TPD52: variants seen among roughly 807,000 people sequenced by gnomAD.
TPD52 encodes the protein tumor protein D52, also known as prostate and colon associated protein.
TPD52 carries 17 observed loss-of-function variants against 31.3 expected under a neutral mutation model. The ratio of observed to expected loss-of-function variants is 0.54; its 90% confidence interval spans 0.37 to 0.82. The LOEUF (loss-of-function observed/expected upper bound fraction) is 0.82, where lower values mean the gene tolerates loss of function less well. TPD52 is among the 40% of genes least tolerant of loss of function. TPD52 has a pLI of 0.00. For synonymous variants in TPD52, 83 were observed against 89.6 expected (o/e 0.93, Z 0.42); for missense variants, 212 against 240.1 (o/e 0.88, Z 0.77).
chr8:80,164,995 A>C (rs1003950961), intron 1 of TPD52, among the ~76,000 whole-genome samples: 6 of 151,722 alleles, frequency 4.0e-5, no homozygotes, highest in Non-Finnish European at 7.4e-5. Flanking sequence ...GACAAACTAG[A>C]AAAAAAATTA....
At chr8:80,160,576 C>T (rs1811278052) in intron 1 of TPD52, among the ~76,000 whole-genome samples, 1 of 152,104 alleles carries the variant, frequency 6.6e-6, no homozygotes, top group Non-Finnish European at 1.5e-5. Context: ...CTCAGGCAGG[C>T]AAAATGTTTG....
intron 1 of TPD52, among the ~76,000 whole-genome samples, chr8:80,164,013 T>TGAGAGAGAGAGAGAGAGA (rs36124247): frequency 3.2e-5 from 4 of 123,572 alleles, no homozygotes; most frequent in Non-Finnish European, 6.7e-5. Flanking sequence ...ATTCTAACTG[T>TGAGAGAGAGAGAGAGAGA]GAGAGAGAGA....
chr8:80,096,153 G>A (rs1816717835), intron 1 of TPD52, among the ~76,000 whole-genome samples: 1 of 152,186 alleles, frequency 6.6e-6, no homozygotes, highest in African/African-American at 2.4e-5. Context: ...CTGCTGAAGA[G>A]GTTGAAGTGG....
At chr8:80,116,221 A>C (rs780607407) in intron 1 of TPD52, among the ~76,000 whole-genome samples, 3 of 152,198 alleles carry the variant, frequency 2.0e-5, no homozygotes, top group Non-Finnish European at 4.4e-5. Flanking sequence ...GTTATGGAAC[A>C]CTATGTGGTC....
downstream of TPD52, among the ~76,000 whole-genome samples, chr8:80,032,022 A>G (rs2130280260): frequency 6.6e-6 from 1 of 151,984 alleles, no homozygotes; most frequent in South Asian, 2.1e-4. Flanking sequence ...GCGTGATGAC[A>G]CATGGCTGTA....
chr8:80,052,706 T>C (rs1811490576), intron 3 of TPD52: 1 of 1,284,860 alleles, frequency 7.8e-7, no homozygotes, highest in Non-Finnish European at 1.0e-6. Flanking sequence ...TGCATTATGA[T>C]AATGCTATAT....
intron 1 of TPD52, among the ~76,000 whole-genome samples, chr8:80,115,002 T>C (rs943004359): frequency 6.6e-6 from 1 of 152,224 alleles, no homozygotes; most frequent in African/African-American, 2.4e-5. Flanking sequence ...TTGAGGTACA[T>C]CTGTACACAA....
chr8:80,065,622 T>A (rs1813050047), intron 1 of TPD52, among the ~76,000 whole-genome samples: 1 of 152,158 alleles, frequency 6.6e-6, no homozygotes, highest in Non-Finnish European at 1.5e-5. Context: ...CAGTATTTTT[T>A]AAAAATCAAA....
At chr8:80,049,195 C>T (rs1218537386) in intron 5 of TPD52, among the ~76,000 whole-genome samples, 1 of 152,104 alleles carries the variant, frequency 6.6e-6, no homozygotes, top group African/African-American at 2.4e-5. Context: ...CCATTCTTAA[C>T]TTATCCCAAG....
At chr8:80,085,095 G>C (rs575969890) in intron 1 of TPD52, among the ~76,000 whole-genome samples, 2 of 152,354 alleles carry the variant, frequency 1.3e-5, no homozygotes, top group Admixed American at 6.5e-5. Flanking sequence ...TATGGTCCAT[G>C]TTTGTGTAAT....
intron 1 of TPD52, among the ~76,000 whole-genome samples, chr8:80,109,445 C>T (rs1435136092): frequency 6.6e-6 from 1 of 152,088 alleles, no homozygotes; most frequent in Non-Finnish European, 1.5e-5. Flanking sequence ...TCAAGCTTGT[C>T]CCCCAAGCTG....
chr8:80,044,755 C>A (rs1306832761), intron 5 of TPD52, among the ~76,000 whole-genome samples: 3 of 152,130 alleles, frequency 2.0e-5, no homozygotes, highest in African/African-American at 7.2e-5. Flanking sequence ...GATGAGAGTG[C>A]CTTCATTCCT....
chr8:80,096,387 G>A (rs1475581620), intron 1 of TPD52, among the ~76,000 whole-genome samples: 1 of 151,920 alleles, frequency 6.6e-6, no homozygotes, highest in Non-Finnish European at 1.5e-5. Context: ...CTATGGTCAA[G>A]GCTTCCTAAG....
intron 1 of TPD52, among the ~76,000 whole-genome samples, chr8:80,105,040 C>T (rs909201832): frequency 1.3e-5 from 2 of 152,038 alleles, no homozygotes; most frequent in African/African-American, 4.8e-5. Flanking sequence ...GCCTGGGCAA[C>T]AGAGTAAGAT....
intron 1 of TPD52, among the ~76,000 whole-genome samples, chr8:80,105,052 C>T (rs1774183025): frequency 6.6e-6 from 1 of 152,024 alleles, no homozygotes; most frequent in Non-Finnish European, 1.5e-5. Context: ...GAGTAAGATA[C>T]TGTCTCAAAA....
chr8:80,086,877 C>CAAAAAAAAAAA (rs58864911), intron 1 of TPD52, among the ~76,000 whole-genome samples: 23 of 76,570 alleles, frequency 3.0e-4, no homozygotes, highest in Non-Finnish European at 4.8e-4. Context: ...GCTGTCTCAA[C>CAAAAAAAAAAA]AAAAAAAAAA....
chr8:80,066,284 T>C (rs963655165), intron 1 of TPD52, among the ~76,000 whole-genome samples: 1 of 152,194 alleles, frequency 6.6e-6, no homozygotes, highest in African/African-American at 2.4e-5. Flanking sequence ...CACTGATTAA[T>C]AGCAGTTAAT....
chr8:80,039,418 A>G (rs560939854), intron 7 of TPD52, among the ~76,000 whole-genome samples: 1 of 151,138 alleles, frequency 6.6e-6, no homozygotes, highest in East Asian at 1.9e-4. Flanking sequence ...CATCCAATCA[A>G]TCTTTTTTTT....
At chr8:80,117,111 C>G (rs1807917209) in intron 1 of TPD52, among the ~76,000 whole-genome samples, 1 of 152,174 alleles carries the variant, frequency 6.6e-6, no homozygotes, top group African/African-American at 2.4e-5. Flanking sequence ...TTGTTCTTAT[C>G]ACTTCTATTT....
Sources: gnomAD v4.1 joint callset for allele counts (sites outside exome capture counted in the v4.1 genomes callset) on GRCh38, gnomAD v4.1.1 for gene constraint, MANE v1.5 for transcripts, NCBI Gene and HGNC (gene_info 2026-07-23, HGNC 2026-07-21) for gene names.